The following SOX5 variants were observed in gnomAD, a reference collection of about 807,000 sequenced individuals.
The protein encoded by SOX5 is transcription factor SOX-5.
In SOX5, 9 loss-of-function variants were observed where a neutral mutation model predicts 92.0. The observed-to-expected ratio is 0.10, with a 90% CI of 0.06 to 0.17. The LOEUF is 0.17. Among genes scored for constraint, SOX5 ranks in the 10% least tolerant of loss-of-function variants. The pLI, the probability that SOX5 is intolerant of heterozygous loss-of-function variation, is 1.00. For synonymous variants in SOX5, 344 were observed against 336.3 expected (o/e 1.02, Z -0.25); for missense variants, 642 against 944.5 (o/e 0.68, Z 4.20).
chr12:23,987,324 G>A (rs763294593), intron 4 of SOX5, among the ~76,000 whole-genome samples: 2 of 152,324 alleles, frequency 1.3e-5, no homozygotes, highest in African/African-American at 4.8e-5. Flanking sequence ...TAGCAAGGAG[G>A]AGCCAGCCAT....
chr12:23,759,303 T>C (rs1269014068), intron 3 of SOX5, among the ~76,000 whole-genome samples: 1 of 152,042 alleles, frequency 6.6e-6, no homozygotes, highest in Non-Finnish European at 1.5e-5. Flanking sequence ...TATAAGTATA[T>C]AGCAGAGATA....
At chr12:24,371,230 G>A (rs1338839182) in intron 1 of SOX5, among the ~76,000 whole-genome samples, 3 of 152,198 alleles carry the variant, frequency 2.0e-5, no homozygotes, top group Non-Finnish European at 4.4e-5. Flanking sequence ...AGCCTCTAGG[G>A]CCTACGGACA....
intron 3 of SOX5, among the ~76,000 whole-genome samples, chr12:24,222,843 G>C (rs1406304332): frequency 2.6e-5 from 4 of 152,120 alleles, no homozygotes; most frequent in Non-Finnish European, 1.5e-5. Flanking sequence ...ACAATACATG[G>C]TATGGTGGTA....
intron 4 of SOX5, among the ~76,000 whole-genome samples, chr12:23,987,332 C>G (rs575487392): frequency 8.5e-4 from 129 of 152,282 alleles, no homozygotes; most frequent in African/African-American, 2.9e-3. Context: ...AGGAGCCAGC[C>G]ATACACAGAG....
At chr12:23,755,465 A>C (rs1186043435) in intron 4 of SOX5, among the ~76,000 whole-genome samples, 173 bp downstream of exon 4, 2 of 151,786 alleles carry the variant, frequency 1.3e-5, no homozygotes, top group African/African-American at 4.8e-5. Flanking sequence ...CAAACAAAGA[A>C]AGAATATAAG....
At chr12:23,907,668 C>T (rs748555003) in intron 1 of SOX5, among the ~76,000 whole-genome samples, 33 of 151,838 alleles carry the variant, frequency 2.2e-4, no homozygotes, top group Non-Finnish European at 3.7e-4. Flanking sequence ...AAAAACAGCT[C>T]GCCATATTCA....
chr12:23,811,677 G>C (rs1038520982), intron 3 of SOX5, among the ~76,000 whole-genome samples: 13 of 152,008 alleles, frequency 8.6e-5, no homozygotes, highest in African/African-American at 3.1e-4. Context: ...TTTTAAAATG[G>C]TCAAAAGTGG....
At chr12:23,959,382 A>G (rs1946642182) in intron 4 of SOX5, among the ~76,000 whole-genome samples, 2 of 152,012 alleles carry the variant, frequency 1.3e-5, no homozygotes, top group South Asian at 2.1e-4. Flanking sequence ...CTGTTAGTCA[A>G]TACTATAGAT....
intron 4 of SOX5, among the ~76,000 whole-genome samples, chr12:23,979,982 T>C (rs1037340814): frequency 3.3e-5 from 5 of 150,164 alleles, no homozygotes; most frequent in East Asian, 2.0e-4. Context: ...GACAGATAGA[T>C]AGATAGATAG....
chr12:24,371,500 A>G (rs530758592), intron 1 of SOX5, among the ~76,000 whole-genome samples: 6 of 152,322 alleles, frequency 3.9e-5, no homozygotes, highest in African/African-American at 1.4e-4. Context: ...ATTTGTGATA[A>G]TTTGTTATAC....
chr12:24,228,026 C>G (rs533843667), intron 3 of SOX5, among the ~76,000 whole-genome samples: 12 of 152,294 alleles, frequency 7.9e-5, no homozygotes, highest in Non-Finnish European at 1.8e-4. Context: ...AAGAGTGGAT[C>G]TGGGGAACCG....
intron 4 of SOX5, among the ~76,000 whole-genome samples, chr12:23,970,841 A>ATTTTTTTTTTTTTTTTTT (rs1555456188): frequency 4.6e-5 from 1 of 21,878 alleles, no homozygotes; most frequent in Non-Finnish European, 1.0e-4. Flanking sequence ...TATATATATA[A>ATTTTTTTTTTTTTTTTTT]TTTTTTTTTT....
intron 1 of SOX5, among the ~76,000 whole-genome samples, chr12:23,935,016 G>A (rs936926789): frequency 6.6e-6 from 1 of 151,230 alleles, no homozygotes; most frequent in African/African-American, 2.4e-5. Context: ...GGACATATCT[G>A]CATGAGGAAC....
chr12:24,488,006 A>T (rs1306307459), intron 1 of SOX5, among the ~76,000 whole-genome samples: 2 of 152,190 alleles, frequency 1.3e-5, no homozygotes, highest in Non-Finnish European at 2.9e-5. Flanking sequence ...ACCCAACTGA[A>T]ACACAGTAGA....
Position 23,832,234 on chromosome 12 carries a change from T to TA in SOX5, c.481+13748dup, listed in dbSNP as rs201873063. 3.8e-4 allele frequency among the ~76,000 whole-genome samples: 58 copies of TA among 150,948 alleles called. No individual in the cohort carries two copies. The East Asian group carries it at 9.9e-3, about 26-fold the overall frequency. On this transcript the variant is annotated intron_variant, in intron 3 of 14. Transcript: ENST00000451604. Reference sequence around the variant, plus strand: ...AAGTTTCAATTTAATCCCCATTAATTAAAAAAAAAATTTTGGAAAGTTGTT... The same window carrying TA: ...AAGTTTCAATTTAATCCCCATTAATTAAAAAAAAAAATTTTGGAAAGTTGTT...
chr12:23,828,435 C>T (rs1227603451), intron 3 of SOX5, among the ~76,000 whole-genome samples: 2 of 152,148 alleles, frequency 1.3e-5, no homozygotes, highest in African/African-American at 4.8e-5. Context: ...GTGTGAATAA[C>T]ACACATGAAT....
At chr12:24,253,694 T>G (rs1940610182) in intron 3 of SOX5, among the ~76,000 whole-genome samples, 1 of 152,160 alleles carries the variant, frequency 6.6e-6, no homozygotes, top group African/African-American at 2.4e-5. Flanking sequence ...CATTCTGTCT[T>G]TTGAAGGCAA....
At chr12:23,846,866 T>C (rs979373358) in intron 2 of SOX5, among the ~76,000 whole-genome samples, 1 of 152,178 alleles carries the variant, frequency 6.6e-6, no homozygotes, top group African/African-American at 2.4e-5. Flanking sequence ...GTCAACACTC[T>C]TTGCTATTTT....
intron 8 of SOX5, among the ~76,000 whole-genome samples, chr12:23,605,160 C>A (rs182670633): frequency 1.3e-5 from 2 of 152,016 alleles, no homozygotes; most frequent in Admixed American, 1.3e-4. Context: ...ATTATCTTGA[C>A]GACTAAGGTT....
Sources: gnomAD v4.1 joint callset for allele counts (sites outside exome capture counted in the v4.1 genomes callset) on GRCh38, gnomAD v4.1.1 for gene constraint, MANE v1.5 for transcripts, NCBI Gene and HGNC (gene_info 2026-07-23, HGNC 2026-07-21) for gene names.